Variants in CNTN4 observed in about 807,000 individuals in gnomAD.
CNTN4 encodes the protein contactin-4.
A neutral mutation model predicts 122.5 loss-of-function variants in CNTN4; 77 were observed. That is an observed-to-expected ratio of 0.63 (90% confidence interval 0.52 to 0.76). CNTN4 has a LOEUF of 0.76. Among genes scored for constraint, CNTN4 ranks in the 30% least tolerant of loss-of-function variants. The pLI, the probability that CNTN4 is intolerant of heterozygous loss-of-function variation, is 0.00. For missense variants in CNTN4, 1,256 were observed against 1,259.1 expected (o/e 1.00, Z 0.04); for synonymous variants, 512 against 447.0 (o/e 1.15, Z -1.83).
In CNTN4 at chr3:3,040,242, C is replaced by A. The variant is rs766750344; in HGVS notation, c.2369C>A (p.Pro790His). 28 of 1,613,802 alleles carry A rather than the reference C, an allele frequency of 1.7e-5. No individual in the cohort carries two copies. The highest frequency in any genetic ancestry group is 8.5e-7 in the Non-Finnish European group (1 of 1,179,788). ...AACAAAGGAGAAGGCCCTTTCAGTCCCACCACGGTGGTGTATTCTGCAGAA... is the reference window on the plus strand; with the variant it reads ...AACAAAGGAGAAGGCCCTTTCAGTCACACCACGGTGGTGTATTCTGCAGAA... ...FNNKGEGPFS[P>H]TTVVYSAEEE... Residue 790 changes from proline (P) to histidine (H), a missense_variant, in exon 20 of 25, where the codon CCC becomes CAC. By Grantham distance (77) the Pro-to-His change is moderately conservative (BLOSUM62 -2). Transcript: ENST00000418658.
intron 4 of CNTN4, among the ~76,000 whole-genome samples, chr3:2,715,164 G>A (rs1486438257): frequency 6.6e-6 from 1 of 152,006 alleles, no homozygotes; most frequent in Non-Finnish European, 1.5e-5. Flanking sequence ...TCAATAATTC[G>A]CTTTATGTAC....
intron 3 of CNTN4, among the ~76,000 whole-genome samples, chr3:2,503,836 A>C (rs74782017): frequency 0.014 from 2,080 of 152,184 alleles, 21 homozygotes; most frequent in Middle Eastern, 0.027. Flanking sequence ...TAAATCATTG[A>C]GCAAAGGAGG....
chr3:3,051,371 C>T (rs1701253741), intron 23 of CNTN4, among the ~76,000 whole-genome samples: 1 of 152,198 alleles, frequency 6.6e-6, no homozygotes, highest in Non-Finnish European at 1.5e-5. Flanking sequence ...GGTTCTGCTG[C>T]AGTCCATAAT....
rs1473878034 is a variant in CNTN4, at chr3:2,578,952, TAAGTA to T, written c.55+7395_55+7399del. Among the ~76,000 whole-genome samples the T allele has an allele frequency of 5.3e-5, 8 of 152,304 alleles. No individual in the cohort carries two copies. The South Asian group carries it at 1.7e-3, about 32-fold the overall frequency. On this transcript the variant is annotated intron_variant, in intron 4 of 24. Coordinates refer to ENST00000418658, the MANE Select transcript of CNTN4 (RefSeq NM_175607.3). ...GCAAAACTTCTTTTCAACATAAATTTAAGTATTTAAGTCCATAGTGGGAAAATGTT... is the reference window on the plus strand; with the variant it reads ...GCAAAACTTCTTTTCAACATAAATTTTTTAAGTCCATAGTGGGAAAATGTT...
chr3:2,151,125 A>C (rs1014964440), intron 2 of CNTN4, among the ~76,000 whole-genome samples: 21 of 152,160 alleles, frequency 1.4e-4, no homozygotes, highest in African/African-American at 4.8e-4. Context: ...GGGTTTTGCC[A>C]TGTTGGCCGG....
At chr3:2,241,156 T>C (rs2039919597) in intron 2 of CNTN4, among the ~76,000 whole-genome samples, 1 of 152,176 alleles carries the variant, frequency 6.6e-6, no homozygotes, top group Admixed American at 6.6e-5. Flanking sequence ...TATTTATTGT[T>C]TGTTACTTAT....
At chr3:2,608,990 GA>G (rs1409431005) in intron 4 of CNTN4, among the ~76,000 whole-genome samples, 1 of 152,178 alleles carries the variant, frequency 6.6e-6, no homozygotes, top group Non-Finnish European at 1.5e-5. Context: ...CTGGAGAAAG[GA>G]TAATCAACAA....
intron 13 of CNTN4, among the ~76,000 whole-genome samples, chr3:2,962,863 G>A (rs1390385937): frequency 1.3e-5 from 2 of 152,180 alleles, no homozygotes; most frequent in African/African-American, 4.8e-5. Context: ...ATGTGAAGTG[G>A]CTTTGAGTCC....
chr3:2,907,585 AT>A (rs2094251621), intron 12 of CNTN4, among the ~76,000 whole-genome samples: 1 of 151,378 alleles, frequency 6.6e-6, no homozygotes, highest in Non-Finnish European at 1.5e-5. Context: ...AAAAAAAAAA[AT>A]TATCTCTTGA....
intron 4 of CNTN4, among the ~76,000 whole-genome samples, chr3:2,669,752 A>G (rs568666572): frequency 6.6e-6 from 1 of 152,258 alleles, no homozygotes; most frequent in East Asian, 1.9e-4. Flanking sequence ...TTCCCTCTAC[A>G]CACTCCTTTA....
chr3:2,627,520 A>G (rs566364339), intron 4 of CNTN4, among the ~76,000 whole-genome samples: 69 of 140,334 alleles, frequency 4.9e-4, no homozygotes, highest in East Asian at 2.9e-3. Flanking sequence ...TTGAGATGGA[A>G]TCTCACTCTG....
intron 3 of CNTN4, among the ~76,000 whole-genome samples, chr3:2,544,453 C>T (rs1244832663): frequency 1.3e-5 from 2 of 152,186 alleles, no homozygotes; most frequent in East Asian, 3.9e-4. Context: ...TTAAAGTATG[C>T]TGTGCTAGGC....
chr3:2,607,417 A>C (rs2081302730), intron 4 of CNTN4, among the ~76,000 whole-genome samples: 1 of 152,216 alleles, frequency 6.6e-6, no homozygotes, highest in Non-Finnish European at 1.5e-5. Flanking sequence ...GAATGAATAA[A>C]TAATCTGTTT....
chr3:2,620,528 G>T (rs1252338636), intron 4 of CNTN4, among the ~76,000 whole-genome samples: 1 of 151,896 alleles, frequency 6.6e-6, no homozygotes, highest in Non-Finnish European at 1.5e-5. Flanking sequence ...TTTATTAAGG[G>T]TCCATAGAAA....
Position 2,550,600 on chromosome 3 carries a change from G to T in CNTN4, c.-88-20816G>T, listed in dbSNP as rs186448809. 1.0e-3 allele frequency among the ~76,000 whole-genome samples: 152 copies of T among 152,216 alleles called. 2 individuals carry two copies. The Middle Eastern group carries it at 0.01, about 10-fold the overall frequency. On this transcript the variant is annotated intron_variant, in intron 3 of 24. Coordinates refer to ENST00000418658, the MANE Select transcript of CNTN4 (RefSeq NM_175607.3). ...TTTGACCCAGCAACCCCATTACTGG[G>T]TATATACCCAAAGGATTATAAACCA...
chr3:2,505,347 G>A (rs756806533), intron 3 of CNTN4, among the ~76,000 whole-genome samples: 2 of 152,096 alleles, frequency 1.3e-5, no homozygotes, highest in African/African-American at 2.4e-5. Flanking sequence ...TATTCATTGT[G>A]CCATCTTTTC....
chr3:2,883,127 C>A lies in CNTN4; in HGVS notation c.653-18C>A, dbSNP rs1176532302. Reference sequence around the variant, plus strand: ...TTTAAAAGAATCTCCAAGACTTAGCCCCTTTATTTATTCACAGGAGTGATG... The same window carrying A: ...TTTAAAAGAATCTCCAAGACTTAGCACCTTTATTTATTCACAGGAGTGATG... On this transcript the variant is annotated intron_variant, in intron 8 of 24. Transcript: ENST00000418658. 2.6e-6 allele frequency: 4 copies of A among 1,555,010 alleles called. 1 individual carries two copies. In the South Asian group the frequency reaches 3.3e-5, roughly 13 times the overall value.
chr3:2,196,492 C>T (rs544930613), intron 2 of CNTN4, among the ~76,000 whole-genome samples: 2 of 152,180 alleles, frequency 1.3e-5, no homozygotes, highest in Admixed American at 6.5e-5. Context: ...CTTAATTATA[C>T]GGCCAATACA....
chr3:2,249,520 G>A (rs962261686), intron 2 of CNTN4, among the ~76,000 whole-genome samples: 1 of 151,878 alleles, frequency 6.6e-6, no homozygotes, highest in Non-Finnish European at 1.5e-5. Flanking sequence ...GTTATAGAAT[G>A]GGTAGGGTTT....
Sources: gnomAD v4.1 joint callset for allele counts (sites outside exome capture counted in the v4.1 genomes callset) on GRCh38, gnomAD v4.1.1 for gene constraint, MANE v1.5 for transcripts, NCBI Gene and HGNC (gene_info 2026-07-23, HGNC 2026-07-21) for gene names.